The following INTS6 variants were observed in gnomAD, a reference collection of about 807,000 sequenced individuals.
INTS6 encodes the protein integrator complex subunit 6.
INTS6 carries 16 observed loss-of-function variants against 104.9 expected under a neutral mutation model. The observed-to-expected ratio is 0.15, with a 90% CI of 0.10 to 0.23. INTS6 has a LOEUF of 0.23. INTS6 is among the 10% of genes least tolerant of loss of function. INTS6 has a pLI of 1.00. For synonymous variants in INTS6, 324 were observed against 358.7 expected, an observed-to-expected ratio of 0.90 and a Z score of 1.09; for missense variants, 584 against 1,062.8, an observed-to-expected ratio of 0.55 and a Z score of 6.26.
intron 4 of INTS6, among the ~76,000 whole-genome samples, chr13:51,416,732 T>C (rs764891245): frequency 3.3e-5 from 5 of 152,224 alleles, no homozygotes; most frequent in Admixed American, 6.5e-5. Context: ...TTTAGGTATA[T>C]ACCCCAGAAT....
intron 13 of INTS6, among the ~76,000 whole-genome samples, chr13:51,375,455 G>T (rs1436016625): frequency 2.2e-5 from 3 of 139,034 alleles, no homozygotes; most frequent in African/African-American, 8.5e-5. Flanking sequence ...AGAATTTGTA[G>T]AAAATGGAAG....
chr13:51,415,485 T>C (rs1044250336), intron 4 of INTS6, among the ~76,000 whole-genome samples: 2 of 152,136 alleles, frequency 1.3e-5, no homozygotes, highest in Admixed American at 6.6e-5. Context: ...GTTCTCATGA[T>C]AGGGAATAAG....
At chr13:51,385,577 C>G (rs1312390650) in intron 7 of INTS6, among the ~76,000 whole-genome samples, 2 of 152,180 alleles carry the variant, frequency 1.3e-5, no homozygotes, top group Non-Finnish European at 2.9e-5. Flanking sequence ...CTATAAGCCA[C>G]TTAACAGATG....
chr13:51,434,500 C>T (rs987371261), intron 3 of INTS6, among the ~76,000 whole-genome samples: 2 of 151,988 alleles, frequency 1.3e-5, no homozygotes, highest in Non-Finnish European at 2.9e-5. Context: ...GATTCTTTCC[C>T]CTCTAAGATT....
chr13:51,442,263 C>T (rs1952812525), intron 3 of INTS6: 1 of 151,730 alleles, frequency 6.6e-6, no homozygotes, highest in Admixed American at 6.6e-5. Flanking sequence ...CCTCAGCTTC[C>T]TGAGGGTGCC....
Position 51,389,331 on chromosome 13 carries a change from AAGG to A in INTS6, c.724_726del (p.Pro242del). 2 of 1,613,114 alleles carry A rather than the reference AAGG, an allele frequency of 1.2e-6. No individual in the cohort carries two copies. Among genetic ancestry groups the A allele is most frequent in the Non-Finnish European group, 1.7e-6 (2 of 1,179,596 alleles). On this transcript the variant is annotated inframe_deletion, in exon 6 of 18. Coordinates refer to ENST00000311234, the MANE Select transcript of INTS6 (RefSeq NM_012141.3). Reference sequence around the variant, plus strand: ...AGTGCAATAATACCTTCTACAGGGGAAGGATCTGGTCCTGCTTTTTCAAAGTTT... The same window carrying A: ...AGTGCAATAATACCTTCTACAGGGGAATCTGGTCCTGCTTTTTCAAAGTTT...
rs1370328017 is a variant in INTS6 at position 51,365,790 on chromosome 13, G to A, written c.2626C>T (p.Arg876Ter). ...ATATGGTTGATCTGATTGGCTCTTC[G>A]ATGAATTTCATCCAAGAAGTTCTCC... is the stretch of plus-strand genomic sequence containing the variant. ...QLENFLDEIH[R>*]RANQINHINS... The change falls in exon 18 of 18, where the codon CGA becomes TGA. Residue 876 changes from arginine (R) to a stop codon, truncating the protein, a stop_gained. Transcript: ENST00000311234. LOFTEE classifies it high-confidence loss of function. The A allele has an allele frequency of 3.1e-6, 5 of 1,601,070 alleles. No individual in the cohort carries two copies. Among genetic ancestry groups the A allele is most frequent in the East Asian group, 4.5e-5 (2 of 44,540 alleles).
At chr13:51,420,512 T>C (rs949165551) in intron 4 of INTS6, among the ~76,000 whole-genome samples, 1 of 152,128 alleles carries the variant, frequency 6.6e-6, no homozygotes, top group Non-Finnish European at 1.5e-5. Context: ...GGAGAATCTT[T>C]TTCTGGTGCT....
intron 3 of INTS6, among the ~76,000 whole-genome samples, chr13:51,433,187 T>TA (rs1379070238): frequency 6.6e-6 from 1 of 152,212 alleles, no homozygotes; most frequent in South Asian, 2.1e-4. Context: ...CTCATGCCTG[T>TA]AATCCCAGCA....
In INTS6 at chr13:51,395,498, G is replaced by C. The variant is rs377350571; in HGVS notation, c.430-15C>G. 6 of 1,598,972 alleles carry C rather than the reference G, an allele frequency of 3.8e-6. No homozygotes were observed. The African/African-American group carries it at 8.1e-5, about 22-fold the overall frequency. On this transcript the variant is annotated splice_polypyrimidine_tract_variant and intron_variant, in intron 4 of 17. Coordinates refer to ENST00000311234, the MANE Select transcript of INTS6 (RefSeq NM_012141.3). ...GGTAAATGAAGCTGAAAGTAGGGGG[G>C]AAAAACAGTAATAAGAATTCCACAG...
At chr13:51,421,796 A>G (rs913351107) in intron 4 of INTS6, among the ~76,000 whole-genome samples, 2 of 152,190 alleles carry the variant, frequency 1.3e-5, no homozygotes, top group Non-Finnish European at 2.9e-5. Flanking sequence ...GTGCCAATCT[A>G]TTAAATAAAA....
rs1956598968 is a variant in INTS6, at chr13:51,407,752, T to C, written c.430-12269A>G. ...ACACCATAAGAGTGTTTCTGTACGG[T>C]ATGGCCAGGCATAGTGGTTCATGCC... On this transcript the variant is annotated intron_variant, in intron 4 of 17. Coordinates refer to ENST00000311234, the MANE Select transcript of INTS6 (RefSeq NM_012141.3). 2.6e-5 allele frequency among the ~76,000 whole-genome samples: 4 copies of C among 152,086 alleles called. No individual in the cohort carries two copies. In the South Asian group the frequency reaches 8.3e-4, roughly 31 times the overall value.
At chr13:51,439,851 G>C (rs1417284567) in intron 3 of INTS6, 4 of 152,180 alleles carry the variant, frequency 2.6e-5, no homozygotes, top group African/African-American at 7.2e-5. Flanking sequence ...CAGTGGTCCT[G>C]TAGGATTATA....
At chr13:51,348,773 A>G in the INTS6 span, 18 of 234,378 alleles carry the variant, frequency 7.7e-5, no homozygotes, top group South Asian at 1.0e-3. Context: ...ACGTTGCCCA[A>G]ATCTTATCCC....
chr13:51,351,121 AT>A (rs1323637942), downstream of INTS6, among the ~76,000 whole-genome samples: 1 of 152,054 alleles, frequency 6.6e-6, no homozygotes, highest in Non-Finnish European at 1.5e-5. Flanking sequence ...TCAAGTGCAC[AT>A]TTTTTTGTGT....
chr13:51,429,785 A>AAAT (rs1156333077), intron 4 of INTS6, among the ~76,000 whole-genome samples: 1,298 of 92,228 alleles, frequency 0.014, 71 homozygotes, highest in Non-Finnish European at 0.022. Flanking sequence ...AAAAAAAAAA[A>AAAT]ATATATATAT....
chr13:51,347,564 C>T, the INTS6 span, among the ~76,000 whole-genome samples: 1 of 152,180 alleles, frequency 6.6e-6, no homozygotes, highest in Non-Finnish European at 1.5e-5. Flanking sequence ...ATGGCTGCTC[C>T]TTTAAGATCG....
intron 6 of INTS6, 85 bp from the exon 7 acceptor site, chr13:51,387,625 AAATT>A: frequency 9.9e-7 from 1 of 1,013,632 alleles, no homozygotes; most frequent in African/African-American, 1.7e-5. Flanking sequence ...ATTATTACTT[AAATT>A]AATAAAAAAT....
At chr13:51,388,899 CA>C (rs3841725) in intron 6 of INTS6, among the ~76,000 whole-genome samples, 101,512 of 151,980 alleles carry the variant, frequency 0.67, 35,424 homozygotes, top group African/African-American at 0.88. Context: ...TTTTGACCCA[CA>C]ATAAACCATT....
Sources: gnomAD v4.1 joint callset for allele counts (sites outside exome capture counted in the v4.1 genomes callset) on GRCh38, gnomAD v4.1.1 for gene constraint, MANE v1.5 for transcripts, NCBI Gene and HGNC (gene_info 2026-07-23, HGNC 2026-07-21) for gene names.